The following MTUS2 variants were observed in gnomAD, a reference collection of about 807,000 sequenced individuals.
The protein encoded by MTUS2 is microtubule associated scaffold protein 2.
MTUS2 carries 40 observed loss-of-function variants against 114.1 expected under a neutral mutation model. The ratio of observed to expected loss-of-function variants is 0.35; its 90% CI spans 0.27 to 0.46. The LOEUF (loss-of-function observed/expected upper bound fraction) is 0.46. Among genes scored for constraint, MTUS2 ranks in the 20% least tolerant of loss-of-function variants. MTUS2 has a pLI of 1.00. For synonymous variants in MTUS2, 688 were observed against 672.0 expected (o/e 1.02, Z -0.37); for missense variants, 1,679 against 1,705.4 (o/e 0.98, Z 0.27).
At chr13:29,340,814 C>G (rs561048457) in intron 7 of MTUS2, among the ~76,000 whole-genome samples, 14 of 152,270 alleles carry the variant, frequency 9.2e-5, no homozygotes, top group Admixed American at 4.6e-4. Flanking sequence ...CACTCATTCC[C>G]CCAAGTCCCC....
At chr13:29,258,817 G>T (rs1237450396) in intron 5 of MTUS2, among the ~76,000 whole-genome samples, 1 of 152,166 alleles carries the variant, frequency 6.6e-6, no homozygotes, top group African/African-American at 2.4e-5. Context: ...CAGCCTTGGT[G>T]TCTCACTGTT....
At chr13:28,906,275 G>C (rs192815536) in intron 2 of MTUS2, among the ~76,000 whole-genome samples, 1 of 151,092 alleles carries the variant, frequency 6.6e-6, no homozygotes, top group Admixed American at 6.6e-5. Flanking sequence ...TCTGATTTTA[G>C]TTATTTCTTG....
intron 2 of MTUS2, among the ~76,000 whole-genome samples, chr13:28,991,148 G>A (rs1884833291): frequency 6.6e-6 from 1 of 152,172 alleles, no homozygotes; most frequent in African/African-American, 2.4e-5. Flanking sequence ...CATGCTTGAG[G>A]GCTAGACTTT....
chr13:28,820,015 C>G (rs984715792), upstream of MTUS2, among the ~76,000 whole-genome samples: 1 of 147,080 alleles, frequency 6.8e-6, no homozygotes, highest in Non-Finnish European at 1.5e-5. Flanking sequence ...TGCCCCGCGC[C>G]GCCTACCGCT....
chr13:29,338,723 A>C (rs1371823286), intron 7 of MTUS2, among the ~76,000 whole-genome samples: 1 of 152,180 alleles, frequency 6.6e-6, no homozygotes, highest in African/African-American at 2.4e-5. Flanking sequence ...TTTCTTGCTT[A>C]AGGATTTGCA....
intron 2 of MTUS2, among the ~76,000 whole-genome samples, chr13:28,952,300 G>C (rs996748907): frequency 9.2e-5 from 14 of 152,122 alleles, no homozygotes; most frequent in African/African-American, 3.1e-4. Flanking sequence ...AAACATTCTT[G>C]CTCCATCAAA....
At chr13:29,028,907 G>A (rs1290866386) in intron 3 of MTUS2, among the ~76,000 whole-genome samples, 1 of 152,160 alleles carries the variant, frequency 6.6e-6, no homozygotes, top group Non-Finnish European at 1.5e-5. Flanking sequence ...AGGGTTTCTA[G>A]AGATAGGATG....
chr13:28,862,184 T>C (rs1360849154), intron 2 of MTUS2, among the ~76,000 whole-genome samples: 2 of 152,178 alleles, frequency 1.3e-5, no homozygotes, highest in Admixed American at 1.3e-4. Context: ...AACAATATTG[T>C]CACATGGTTG....
intron 8 of MTUS2, among the ~76,000 whole-genome samples, chr13:29,410,935 A>C (rs1875186340): frequency 6.6e-6 from 1 of 152,086 alleles, no homozygotes. Context: ...GGGTTCAAGC[A>C]ATTCTTGTGC....
At chr13:29,265,319 G>C (rs1897628295) in intron 5 of MTUS2, among the ~76,000 whole-genome samples, 1 of 152,126 alleles carries the variant, frequency 6.6e-6, no homozygotes, top group South Asian at 2.1e-4. Flanking sequence ...AGATTTCACT[G>C]TCCATATCAC....
intron 5 of MTUS2, among the ~76,000 whole-genome samples, chr13:29,275,028 C>T (rs1255726127): frequency 6.6e-6 from 1 of 152,174 alleles, no homozygotes; most frequent in East Asian, 1.9e-4. Context: ...GCCATCATGC[C>T]CAGCCTATAA....
At chr13:29,312,798 T>G (rs899658132) in intron 6 of MTUS2, among the ~76,000 whole-genome samples, 2 of 152,216 alleles carry the variant, frequency 1.3e-5, no homozygotes, top group African/African-American at 4.8e-5. Context: ...ATCCATCATA[T>G]TCAGAGCTTT....
At chr13:29,053,206 T>G (rs756747703) in intron 4 of MTUS2, among the ~76,000 whole-genome samples, 3 of 152,192 alleles carry the variant, frequency 2.0e-5, no homozygotes, top group Non-Finnish European at 4.4e-5. Flanking sequence ...TTATATGTAT[T>G]TTATATAATC....
Position 29,480,208 on chromosome 13 carries a change from G to A in MTUS2, c.3243G>A (p.Arg1081=), listed in dbSNP as rs1412715480. The A allele has an allele frequency of 6.4e-7, 1 of 1,555,668 alleles. No homozygotes were observed. The highest frequency in any genetic ancestry group is 1.4e-5 in the African/African-American group (1 of 73,454). ...LQKEKEELER[R]FEDEVKRLGW... ...AGGAGAAGGAGGAGCTGGAGAGGCG[G>A]TTCGAGGACGAGGTGAAGAGGCTGG... Residue 1081 remains arginine (R), a synonymous_variant, in exon 10 of 16, where the codon CGG becomes CGA. Transcript: ENST00000612955. The surrounding 1 kb of genome is among the most constrained non-coding windows in gnomAD (Gnocchi z 4.4).
At chr13:29,259,243 C>T (rs1353289838) in intron 5 of MTUS2, among the ~76,000 whole-genome samples, 2 of 152,178 alleles carry the variant, frequency 1.3e-5, no homozygotes, top group East Asian at 3.9e-4. Flanking sequence ...TGTGGAAAGA[C>T]AGGGTGACTG....
intron 2 of MTUS2, among the ~76,000 whole-genome samples, chr13:28,924,495 T>G (rs1423849726): frequency 6.6e-6 from 1 of 152,184 alleles, no homozygotes; most frequent in Non-Finnish European, 1.5e-5. Flanking sequence ...AAGGTCAAAG[T>G]CCCAATAGGC....
chr13:29,435,984 T>A (rs1877378985), intron 8 of MTUS2, among the ~76,000 whole-genome samples: 3 of 152,118 alleles, frequency 2.0e-5, no homozygotes, highest in Admixed American at 1.3e-4. Context: ...GATGCTGAAA[T>A]GGGTCCAGAC....
At chr13:29,241,799 A>G (rs1359246817) in intron 5 of MTUS2, among the ~76,000 whole-genome samples, 1 of 152,182 alleles carries the variant, frequency 6.6e-6, no homozygotes, top group Admixed American at 6.5e-5. Flanking sequence ...AGGTTGGGCT[A>G]GCACACTAGG....
At chr13:29,356,893 G>A (rs1869786202) in intron 7 of MTUS2, among the ~76,000 whole-genome samples, 1 of 152,180 alleles carries the variant, frequency 6.6e-6, no homozygotes, top group Non-Finnish European at 1.5e-5. Context: ...GTTTCACAAG[G>A]TAGTTTGGTG....
Sources: gnomAD v4.1 joint callset for allele counts (sites outside exome capture counted in the v4.1 genomes callset) on GRCh38, gnomAD v4.1.1 for gene constraint, Gnocchi (gnomAD v3.1) non-coding constraint, MANE v1.5 for transcripts, NCBI Gene and HGNC (gene_info 2026-07-23, HGNC 2026-07-21) for gene names.